FRMD4A: variants seen among roughly 807,000 people sequenced by gnomAD.
FRMD4A encodes the protein FERM domain containing 4A.
A neutral mutation model predicts 129.1 loss-of-function variants in FRMD4A; 29 were observed. That is an observed-to-expected ratio of 0.22 (90% CI 0.17 to 0.31). The LOEUF (loss-of-function observed/expected upper bound fraction) is 0.31. Among genes scored for constraint, FRMD4A ranks in the 10% least tolerant of loss-of-function variants. The probability of loss-of-function intolerance (pLI) is 1.00; values close to 1 mark genes in which losing one functional copy is unlikely to be tolerated. For synonymous variants in FRMD4A, 634 were observed against 571.6 expected, an observed-to-expected ratio of 1.11 and a Z score of -1.56; for missense variants, 1,272 against 1,375.8, an observed-to-expected ratio of 0.92 and a Z score of 1.19.
chr10:13,865,647 C>T (rs1427081943), intron 2 of FRMD4A, among the ~76,000 whole-genome samples: 1 of 150,956 alleles, frequency 6.6e-6, no homozygotes, highest in Non-Finnish European at 1.5e-5. Context: ...AGACACGTCT[C>T]ACTATGTAAA....
intron 2 of FRMD4A, among the ~76,000 whole-genome samples, chr10:13,922,782 G>A (rs1353754777): frequency 6.6e-6 from 1 of 152,052 alleles, no homozygotes; most frequent in Non-Finnish European, 1.5e-5. Flanking sequence ...TCTCTCTCTA[G>A]GACATAGTAG....
chr10:14,178,480 C>T (rs745974645), intron 2 of FRMD4A, among the ~76,000 whole-genome samples: 4 of 152,102 alleles, frequency 2.6e-5, no homozygotes, highest in African/African-American at 4.8e-5. Context: ...TTATGATTTC[C>T]AAGTCCTTTA....
At chr10:14,053,770 G>C (rs1463489760) in intron 2 of FRMD4A, among the ~76,000 whole-genome samples, 1 of 152,108 alleles carries the variant, frequency 6.6e-6, no homozygotes, top group Non-Finnish European at 1.5e-5. Flanking sequence ...TATAATGAAA[G>C]TGTTTTGGGA....
At chr10:13,714,062 A>AAT (rs1448570396) in intron 12 of FRMD4A, among the ~76,000 whole-genome samples, 5 of 53,176 alleles carry the variant, frequency 9.4e-5, no homozygotes, top group African/African-American at 2.7e-4. Context: ...ATATATATAA[A>AAT]ATATACTTTT....
intron 2 of FRMD4A, among the ~76,000 whole-genome samples, chr10:13,880,189 C>T (rs1279716134): frequency 2.0e-5 from 3 of 152,028 alleles, no homozygotes; most frequent in Admixed American, 6.6e-5. Context: ...ATCCCAAGCT[C>T]AGCGAGTCCC....
chr10:13,802,545 G>C (rs2130849049), intron 4 of FRMD4A, among the ~76,000 whole-genome samples: 1 of 152,234 alleles, frequency 6.6e-6, no homozygotes, highest in Admixed American at 6.5e-5. Context: ...TTGAACTGCT[G>C]GGCTCAAGCG....
intron 2 of FRMD4A, among the ~76,000 whole-genome samples, chr10:14,051,205 A>AT (rs1484014004): frequency 1.3e-5 from 2 of 152,120 alleles, no homozygotes; most frequent in African/African-American, 4.8e-5. Flanking sequence ...GCTTTAACTG[A>AT]TTTTTTATCT....
rs1018626296 is a variant in FRMD4A at position 14,091,560 on chromosome 10, A to G, written c.46-232648T>C. Among the ~76,000 whole-genome samples the G allele has an allele frequency of 2.6e-5, 4 of 152,182 alleles. No homozygotes were observed. In the East Asian group the frequency reaches 7.7e-4, roughly 29 times the overall value. On this transcript the variant is annotated intron_variant, in intron 2 of 24. Transcript: ENST00000357447. ...GCGATCCTTCTGCCTCAGCCTCCTG[A>G]GTAGCTGGGACTACAGGCATGGGCC...
intron 2 of FRMD4A, among the ~76,000 whole-genome samples, chr10:14,191,339 G>C (rs1842310451): frequency 6.6e-6 from 1 of 152,184 alleles, no homozygotes. Context: ...TAAAACAACA[G>C]TCGTTGAGAG....
chr10:13,941,200 C>T (rs939037153), intron 2 of FRMD4A, among the ~76,000 whole-genome samples: 2 of 152,100 alleles, frequency 1.3e-5, no homozygotes, highest in Non-Finnish European at 2.9e-5. Flanking sequence ...ATCATGGAGG[C>T]GGTTTCCTCC....
intron 2 of FRMD4A, among the ~76,000 whole-genome samples, chr10:13,860,712 T>G (rs571323920): frequency 6.6e-6 from 1 of 152,274 alleles, no homozygotes; most frequent in South Asian, 2.1e-4. Flanking sequence ...AAAAAGACAG[T>G]CTCAGATGAG....
chr10:13,694,548 A>G (rs2086035199), intron 14 of FRMD4A, among the ~76,000 whole-genome samples: 1 of 152,204 alleles, frequency 6.6e-6, no homozygotes, highest in Non-Finnish European at 1.5e-5. Flanking sequence ...AGGAGGAGAA[A>G]ATGATTTTCA....
At chr10:13,818,314 C>T (rs2130897425) in intron 3 of FRMD4A, among the ~76,000 whole-genome samples, 1 of 152,096 alleles carries the variant, frequency 6.6e-6, no homozygotes, top group Non-Finnish European at 1.5e-5. Flanking sequence ...CAGGTATGTA[C>T]CACCATGGCT....
intron 12 of FRMD4A, among the ~76,000 whole-genome samples, chr10:13,710,846 T>A (rs1017611199): frequency 4.6e-5 from 7 of 152,066 alleles, no homozygotes; most frequent in Admixed American, 1.3e-4. Flanking sequence ...AAACTCCGTC[T>A]CTGCGAAAAA....
intron 2 of FRMD4A, among the ~76,000 whole-genome samples, chr10:13,978,319 G>A (rs1296178314): frequency 1.3e-5 from 2 of 152,164 alleles, no homozygotes; most frequent in Non-Finnish European, 2.9e-5. Context: ...CCAGCAGGCT[G>A]CAGCAGATGG....
At chr10:14,094,887 G>A (rs928469260) in intron 2 of FRMD4A, among the ~76,000 whole-genome samples, 4 of 152,178 alleles carry the variant, frequency 2.6e-5, no homozygotes, top group African/African-American at 7.2e-5. Context: ...GTGCATGTAT[G>A]TATATCTATG....
chr10:13,808,204 G>A (rs4750420), intron 4 of FRMD4A, among the ~76,000 whole-genome samples: 147,058 of 152,302 alleles, frequency 0.97, 71,166 homozygotes, highest in East Asian at 1. Context: ...TGATAGCCTT[G>A]TTTTATTTGC....
chr10:13,762,900 G>GGTGCACGTCTGTAGACGCAGCTGTTTT (rs2092130420), intron 6 of FRMD4A, among the ~76,000 whole-genome samples: 2 of 152,196 alleles, frequency 1.3e-5, no homozygotes, highest in Admixed American at 1.3e-4. Flanking sequence ...AGGCTGAGGT[G>GGTGCACGTCTGTAGACGCAGCTGTTTT]GGAGGTTGAG....
chr10:13,846,234 G>A (rs2094043584), intron 3 of FRMD4A, among the ~76,000 whole-genome samples: 1 of 152,168 alleles, frequency 6.6e-6, no homozygotes, highest in African/African-American at 2.4e-5. Context: ...AATCTATTAG[G>A]TTGGTGCCAA....
Sources: allele counts gnomAD v4.1 joint callset (sites outside exome capture counted in the v4.1 genomes callset), GRCh38; gene constraint gnomAD v4.1.1; transcripts MANE v1.5; gene names NCBI Gene and HGNC (gene_info 2026-07-23, HGNC 2026-07-21).